CTNNA2: variants seen among roughly 807,000 people sequenced by gnomAD.
The protein encoded by CTNNA2 is catenin alpha-2.
CTNNA2 carries 42 observed loss-of-function variants against 101.0 expected under a neutral mutation model. The observed-to-expected ratio is 0.42, with a 90% CI of 0.32 to 0.54. The LOEUF (loss-of-function observed/expected upper bound fraction) is 0.54. Among genes scored for constraint, CTNNA2 ranks in the 20% least tolerant of loss-of-function variants. The pLI, the probability that CTNNA2 is intolerant of heterozygous loss-of-function variation, is 0.14. For missense variants in CTNNA2, 871 were observed against 1,223.1 expected (o/e 0.71, Z 4.29); for synonymous variants, 450 against 456.4 (o/e 0.99, Z 0.18).
intron 6 of CTNNA2, among the ~76,000 whole-genome samples, chr2:79,897,795 G>A (rs1684816214): frequency 6.6e-6 from 1 of 152,186 alleles, no homozygotes; most frequent in Non-Finnish European, 1.5e-5. Flanking sequence ...CAAGATCAAA[G>A]TGCCAGCATG....
intron 12 of CTNNA2, among the ~76,000 whole-genome samples, chr2:80,570,749 C>T (rs1473671541): frequency 6.6e-6 from 1 of 152,026 alleles, no homozygotes; most frequent in African/African-American, 2.4e-5. Flanking sequence ...AGTTCTGTTC[C>T]AATCTCTTCA....
chr2:79,727,570 T>G (rs1017850915), intron 2 of CTNNA2, among the ~76,000 whole-genome samples: 1 of 151,964 alleles, frequency 6.6e-6, no homozygotes, highest in Non-Finnish European at 1.5e-5. Context: ...TCTTTTTTTA[T>G]TTTATTTTAT....
intron 7 of CTNNA2, among the ~76,000 whole-genome samples, chr2:80,230,326 C>G (rs1709129148): frequency 6.8e-6 from 1 of 146,204 alleles, no homozygotes; most frequent in Non-Finnish European, 1.5e-5. Flanking sequence ...GAACTCCTGG[C>G]CTCAAGCAAT....
intron 7 of CTNNA2, among the ~76,000 whole-genome samples, chr2:79,928,365 G>A (rs1687170682): frequency 6.6e-6 from 1 of 152,106 alleles, no homozygotes; most frequent in South Asian, 2.1e-4. Context: ...CACTATTGTA[G>A]ATACTTTGGA....
intron 2 of CTNNA2, among the ~76,000 whole-genome samples, chr2:79,728,608 T>C (rs185264796): frequency 6.6e-6 from 1 of 152,238 alleles, no homozygotes; most frequent in African/African-American, 2.4e-5. Context: ...TTTTGGCTTT[T>C]GTTGCCATTG....
intron 6 of CTNNA2, among the ~76,000 whole-genome samples, chr2:79,876,577 G>T (rs1234632130): frequency 6.6e-6 from 1 of 152,174 alleles, no homozygotes; most frequent in African/African-American, 2.4e-5. Flanking sequence ...CAGAGAGAAG[G>T]CCTGTGAACA....
At chr2:79,997,317 AAGAG>A (rs1232282227) in intron 7 of CTNNA2, among the ~76,000 whole-genome samples, 1 of 151,870 alleles carries the variant, frequency 6.6e-6, no homozygotes, top group Non-Finnish European at 1.5e-5. Flanking sequence ...AGGAGAAAAA[AAGAG>A]AGGGAGGGAG....
chr2:80,456,941 T>C (rs1318221628), intron 9 of CTNNA2, among the ~76,000 whole-genome samples: 1 of 152,208 alleles, frequency 6.6e-6, no homozygotes, highest in East Asian at 1.9e-4. Context: ...GTGACTATAG[T>C]TAACAATAAT....
chr2:79,321,167 A>G (rs993080251), intron 3 of CTNNA2, among the ~76,000 whole-genome samples: 1 of 152,142 alleles, frequency 6.6e-6, no homozygotes, highest in African/African-American at 2.4e-5. Flanking sequence ...CAACTTTTTG[A>G]GTTAGATGTT....
chr2:79,606,388 C>T (rs978891821), intron 1 of CTNNA2, among the ~76,000 whole-genome samples: 2 of 152,268 alleles, frequency 1.3e-5, no homozygotes, highest in East Asian at 1.9e-4. Context: ...CTGCCTCAGC[C>T]TCCCGAGTAG....
At chr2:80,268,937 T>C (rs1217835052) in intron 7 of CTNNA2, among the ~76,000 whole-genome samples, 1 of 152,162 alleles carries the variant, frequency 6.6e-6, no homozygotes, top group Non-Finnish European at 1.5e-5. Context: ...AAATGATAAC[T>C]TTTCAAAAAC....
intron 2 of CTNNA2, among the ~76,000 whole-genome samples, chr2:79,711,625 G>A (rs185819692): frequency 1.4e-3 from 211 of 152,258 alleles, no homozygotes; most frequent in African/African-American, 4.8e-3. Flanking sequence ...AAGGTAGAAA[G>A]CAGAAAAGAC....
intron 4 of CTNNA2, among the ~76,000 whole-genome samples, chr2:79,379,189 A>G (rs1678012603): frequency 6.6e-6 from 1 of 152,228 alleles, no homozygotes; most frequent in Admixed American, 6.5e-5. Flanking sequence ...TATATTCCGT[A>G]TTACAAAATC....
intron 3 of CTNNA2, among the ~76,000 whole-genome samples, chr2:79,370,944 A>G (rs1345005448): frequency 1.3e-5 from 2 of 152,150 alleles, no homozygotes; most frequent in Non-Finnish European, 2.9e-5. Flanking sequence ...CCATTGCTCC[A>G]GATGTCACAC....
intron 3 of CTNNA2, among the ~76,000 whole-genome samples, chr2:79,343,571 T>A (rs981818896): frequency 6.6e-6 from 1 of 152,128 alleles, no homozygotes. Context: ...GTAGGACTAT[T>A]GATCAGGGTG....
At chr2:79,734,887 CA>C (rs1294421320) in intron 2 of CTNNA2, among the ~76,000 whole-genome samples, 1 of 152,078 alleles carries the variant, frequency 6.6e-6, no homozygotes, top group East Asian at 1.9e-4. Flanking sequence ...ATGTGAGCAA[CA>C]ATAATATCTC....
intron 6 of CTNNA2, among the ~76,000 whole-genome samples, chr2:79,904,236 A>G (rs1685265103): frequency 6.6e-6 from 1 of 152,004 alleles, no homozygotes; most frequent in Non-Finnish European, 1.5e-5. Context: ...CTCCATTACA[A>G]TTGGTTGTAC....
chr2:79,875,305 C>T (rs969977366), intron 6 of CTNNA2, among the ~76,000 whole-genome samples: 1 of 152,162 alleles, frequency 6.6e-6, no homozygotes, highest in African/African-American at 2.4e-5. Context: ...ATTTATTTAT[C>T]TTATGATCAA....
chr2:80,307,137 A>T (rs1041609951), intron 7 of CTNNA2, among the ~76,000 whole-genome samples: 10 of 151,110 alleles, frequency 6.6e-5, no homozygotes, highest in African/African-American at 2.4e-4. Context: ...TGGTATCTTT[A>T]AGCCTTTCCC....
Sources: allele counts gnomAD v4.1 joint callset (sites outside exome capture counted in the v4.1 genomes callset), GRCh38; gene constraint gnomAD v4.1.1; transcripts MANE v1.5; gene names NCBI Gene and HGNC (gene_info 2026-07-23, HGNC 2026-07-21).